ANO3: variants seen among roughly 807,000 people sequenced by gnomAD.
ANO3 encodes the protein anoctamin-3.
Under a neutral mutation model 144.8 loss-of-function variants are expected in ANO3, and 99 were observed. The ratio of observed to expected loss-of-function variants is 0.68; its 90% CI spans 0.58 to 0.81. The LOEUF (loss-of-function observed/expected upper bound fraction) is 0.81, where lower values mean the gene tolerates loss of function less well. Ranked by LOEUF, ANO3 falls within the 30% of genes least tolerant of loss-of-function variation. The probability of loss-of-function intolerance (pLI) is 0.00; values close to 1 mark genes in which losing one functional copy is unlikely to be tolerated. For missense variants in ANO3, 905 were observed against 1,202.2 expected, an observed-to-expected ratio of 0.75 and a Z score of 3.66; for synonymous variants, 414 against 392.6, an observed-to-expected ratio of 1.05 and a Z score of -0.64.
chr11:26,640,125 T>A (rs1590665240), intron 21 of ANO3, among the ~76,000 whole-genome samples: 1 of 152,178 alleles, frequency 6.6e-6, no homozygotes, highest in East Asian at 1.9e-4. Context: ...TTGTGTTAAT[T>A]TACAGGCAGC....
At chr11:26,354,770 C>G (rs1463721889) in intron 1 of ANO3, among the ~76,000 whole-genome samples, 1 of 151,980 alleles carries the variant, frequency 6.6e-6, no homozygotes, top group African/African-American at 2.4e-5. Flanking sequence ...TAAGTATCAA[C>G]TTTGTTTAGT....
intron 1 of ANO3, among the ~76,000 whole-genome samples, chr11:26,384,839 G>A (rs1263336436): frequency 6.6e-6 from 1 of 152,162 alleles, no homozygotes; most frequent in Non-Finnish European, 1.5e-5. Context: ...TGGTAAAACT[G>A]GACAAGCCTA....
At chr11:26,622,507 G>A (rs530214737) in intron 17 of ANO3, among the ~76,000 whole-genome samples, 2 of 152,228 alleles carry the variant, frequency 1.3e-5, no homozygotes, top group South Asian at 2.1e-4. Context: ...TTGGGAAGCT[G>A]AGGTGGGAGG....
chr11:26,497,233 T>C (rs929430598), intron 4 of ANO3, among the ~76,000 whole-genome samples: 19 of 151,948 alleles, frequency 1.3e-4, no homozygotes, highest in African/African-American at 4.6e-4. Flanking sequence ...GAAGTATGTA[T>C]ATATATGTGT....
chr11:26,232,318 T>C (rs1296825220), intron 1 of ANO3, among the ~76,000 whole-genome samples: 1 of 152,098 alleles, frequency 6.6e-6, no homozygotes, highest in African/African-American at 2.4e-5. Flanking sequence ...CATCTATCAG[T>C]GGCCATTGTA....
At chr11:26,226,068 C>T (rs17308859) in intron 1 of ANO3, among the ~76,000 whole-genome samples, 45,830 of 151,664 alleles carry the variant, frequency 0.3, 7,632 homozygotes, top group Non-Finnish European at 0.37. Flanking sequence ...ACAAGCCTCT[C>T]GTATTCCCTA....
At chr11:26,593,400 G>A (rs2132902360) in intron 14 of ANO3, among the ~76,000 whole-genome samples, 1 of 152,308 alleles carries the variant, frequency 6.6e-6, no homozygotes, top group African/African-American at 2.4e-5. Flanking sequence ...GAAGTATCTA[G>A]TGATTGCCTG....
chr11:26,572,598 A>G (rs1282759618), intron 14 of ANO3, among the ~76,000 whole-genome samples: 1 of 152,056 alleles, frequency 6.6e-6, no homozygotes, highest in Non-Finnish European at 1.5e-5. Context: ...AGATTGCCCT[A>G]TTTGTGTACT....
intron 1 of ANO3, among the ~76,000 whole-genome samples, chr11:26,354,804 T>C (rs1855735692): frequency 6.6e-6 from 1 of 152,152 alleles, no homozygotes; most frequent in Admixed American, 6.5e-5. Flanking sequence ...ATTTTCATAT[T>C]AAAATTGTTT....
intron 14 of ANO3, among the ~76,000 whole-genome samples, chr11:26,588,895 G>A (rs894993097): frequency 6.6e-6 from 1 of 152,020 alleles, no homozygotes; most frequent in Non-Finnish European, 1.5e-5. Context: ...AGTGATTCTG[G>A]TCTGCTATTT....
In ANO3 at chr11:26,400,843, A is replaced by AATAT. The variant is rs4033234; in HGVS notation, c.47-41063_47-41060dup. The stretch of plus-strand genomic sequence containing the variant: ...CCATAGCCTATTTGCTGCCTAGATG[A>AATAT]ATATATATATATATAGACACACACA... On this transcript the variant is annotated intron_variant, in intron 1 of 26. Coordinates refer to ENST00000256737, the MANE Select transcript of ANO3 (RefSeq NM_031418.4). 8.0e-3 allele frequency among the ~76,000 whole-genome samples: 1,182 copies of AATAT among 147,858 alleles called. 8 individuals carry two copies. The highest frequency in any genetic ancestry group is 0.02 in the African/African-American group (826 of 40,588).
At chr11:26,379,758 A>C (rs1423188042) in intron 1 of ANO3, among the ~76,000 whole-genome samples, 1 of 152,122 alleles carries the variant, frequency 6.6e-6, no homozygotes, top group East Asian at 1.9e-4. Context: ...ATGCCACTGC[A>C]CTCCAGCCTG....
chr11:26,354,368 C>T (rs1855722602), intron 1 of ANO3, among the ~76,000 whole-genome samples: 1 of 152,178 alleles, frequency 6.6e-6, no homozygotes, highest in Non-Finnish European at 1.5e-5. Flanking sequence ...ATTCAGGACA[C>T]TGGATAGTGA....
chr11:26,566,125 A>G (rs1850573261), intron 14 of ANO3, among the ~76,000 whole-genome samples: 1 of 151,946 alleles, frequency 6.6e-6, no homozygotes, highest in Non-Finnish European at 1.5e-5. Flanking sequence ...ATGCCATGCA[A>G]AAACTTCCTC....
intron 1 of ANO3, among the ~76,000 whole-genome samples, chr11:26,369,214 AAAAG>A (rs1189003871): frequency 6.6e-6 from 1 of 152,198 alleles, no homozygotes; most frequent in Admixed American, 6.5e-5. Flanking sequence ...AAAAGTGGCA[AAAAG>A]AAAGAAAACA....
chr11:26,230,490 C>A (rs534251166), intron 1 of ANO3, among the ~76,000 whole-genome samples: 113 of 152,050 alleles, frequency 7.4e-4, no homozygotes, highest in African/African-American at 2.6e-3. Context: ...GCTTTCATGC[C>A]ATTCTAATTA....
chr11:26,522,059 C>T (rs1037903129), intron 6 of ANO3, among the ~76,000 whole-genome samples: 1 of 152,020 alleles, frequency 6.6e-6, no homozygotes, highest in Non-Finnish European at 1.5e-5. Flanking sequence ...TGGCGGGCGC[C>T]TGTAGTCCCA....
intron 1 of ANO3, among the ~76,000 whole-genome samples, chr11:26,256,243 A>G (rs1424843268): frequency 6.6e-6 from 1 of 152,180 alleles, no homozygotes; most frequent in Non-Finnish European, 1.5e-5. Flanking sequence ...AAACTGTATC[A>G]TGTATTCAAA....
At chr11:26,352,706 T>A (rs1453718068) in intron 1 of ANO3, among the ~76,000 whole-genome samples, 4 of 152,240 alleles carry the variant, frequency 2.6e-5, no homozygotes, top group Admixed American at 6.5e-5. Flanking sequence ...CTCTTTGCTT[T>A]CTTTGTTTGC....
Sources: allele counts gnomAD v4.1 joint callset (sites outside exome capture counted in the v4.1 genomes callset), GRCh38; gene constraint gnomAD v4.1.1; transcripts MANE v1.5; gene names NCBI Gene and HGNC (gene_info 2026-07-23, HGNC 2026-07-21).